Variants in LATS1 observed in about 807,000 individuals in gnomAD.
The protein encoded by LATS1 is serine/threonine-protein kinase LATS1.
LATS1 carries 25 observed loss-of-function variants against 106.6 expected under a neutral mutation model. The observed-to-expected ratio is 0.23, with a 90% CI of 0.17 to 0.33. The LOEUF (loss-of-function observed/expected upper bound fraction) is 0.33. Ranked by LOEUF, LATS1 falls within the 10% of genes least tolerant of loss-of-function variation. The pLI is 1.00. For synonymous variants in LATS1, 465 were observed against 455.6 expected (o/e 1.02, Z -0.26); for missense variants, 1,040 against 1,382.6 (o/e 0.75, Z 3.93).
intron 1 of LATS1, among the ~76,000 whole-genome samples, chr6:149,714,293 G>C (rs1416375077): frequency 6.6e-6 from 1 of 151,972 alleles, no homozygotes; most frequent in East Asian, 1.9e-4. Flanking sequence ...TGTAAATACA[G>C]ATGGAGATCT....
intron 7 of LATS1, among the ~76,000 whole-genome samples, chr6:149,665,886 A>G (rs1029947796): frequency 6.6e-6 from 1 of 152,114 alleles, no homozygotes; most frequent in East Asian, 1.9e-4. Flanking sequence ...CTCACGCTGT[A>G]ATCCCAGCAC....
At chr6:149,696,060 C>T (rs1783044561) in intron 2 of LATS1, among the ~76,000 whole-genome samples, 1 of 151,636 alleles carries the variant, frequency 6.6e-6, no homozygotes, top group Non-Finnish European at 1.5e-5. Flanking sequence ...CACGCTCTAC[C>T]AGGCCTGGCT....
At chr6:149,710,978 A>T (rs1784053739) in intron 1 of LATS1, among the ~76,000 whole-genome samples, 1 of 152,214 alleles carries the variant, frequency 6.6e-6, no homozygotes, top group Non-Finnish European at 1.5e-5. Flanking sequence ...TAGAGGCAGG[A>T]TTAAAAGACT....
At chr6:149,686,559 T>C (rs1467230571) in intron 3 of LATS1, among the ~76,000 whole-genome samples, 3 of 152,226 alleles carry the variant, frequency 2.0e-5, no homozygotes, top group African/African-American at 4.8e-5. Context: ...GCCACCTCCT[T>C]GAAGCTGGTT....
At chr6:149,674,903 C>T (rs533339880) in intron 7 of LATS1, among the ~76,000 whole-genome samples, 3 of 150,896 alleles carry the variant, frequency 2.0e-5, no homozygotes, top group African/African-American at 7.3e-5. Context: ...GACCTTATCT[C>T]AAAATAAATA....
chr6:149,673,583 C>T (rs1185952255), intron 7 of LATS1, among the ~76,000 whole-genome samples: 2 of 151,860 alleles, frequency 1.3e-5, no homozygotes, highest in African/African-American at 2.4e-5. Context: ...TTCAGACATA[C>T]CTGAGACAAA....
At chr6:149,711,985 A>G (rs1784130474) in intron 1 of LATS1, among the ~76,000 whole-genome samples, 1 of 152,082 alleles carries the variant, frequency 6.6e-6, no homozygotes, top group Admixed American at 6.6e-5. Context: ...AGAGAGAGAG[A>G]GTGCGCACAC....
rs1479515273 is a variant in LATS1 at position 149,659,792 on chromosome 6, A to G, written c.*1937T>C. 1.8e-5 allele frequency: 4 copies of G among 225,844 alleles called. No individual in the cohort carries two copies. The highest frequency in any genetic ancestry group is 3.5e-5 in the Non-Finnish European group (4 of 113,594). The allele number at this position is 225,844 out of a possible 1,614,324, so 14.0% of individuals were successfully genotyped here. A position where few individuals can be genotyped will look rare whatever the true frequency, so the allele number is the denominator to read the frequency against. ...ATGTTCCATGAACCATGAGGTGAAGACTGCGATTTCATGATAGCACATTGT... is the reference window on the plus strand; with the variant it reads ...ATGTTCCATGAACCATGAGGTGAAGGCTGCGATTTCATGATAGCACATTGT... On this transcript the variant is annotated 3_prime_UTR_variant, in exon 8 of 8. Transcript: ENST00000543571.
rs531238825 is a variant in LATS1 at position 149,662,788 on chromosome 6, A to AC, written c.2884-551dup. Among the ~76,000 whole-genome samples the AC allele has an allele frequency of 5.3e-5, 8 of 151,688 alleles. No homozygotes were observed. In the East Asian group the frequency reaches 1.6e-3, roughly 29 times the overall value. On this transcript the variant is annotated intron_variant, in intron 7 of 7. Coordinates refer to ENST00000543571, the MANE Select transcript of LATS1 (RefSeq NM_004690.4). ...AGACAAACCTGGGCAACAAAGCGAGACCCCCTCTCTACAAAAAAACTTTAA... is the reference window on the plus strand; with the variant it reads ...AGACAAACCTGGGCAACAAAGCGAGACCCCCCTCTCTACAAAAAAACTTTAA...
chr6:149,659,377 G>A lies in LATS1; in HGVS notation c.*2352C>T, dbSNP rs142827467. 1.4e-4 allele frequency: 28 copies of A among 203,140 alleles called. No individual in the cohort carries two copies. Among genetic ancestry groups the A allele is most frequent in the African/African-American group, 5.5e-4 (24 of 43,806 alleles). 12.6% of individuals were successfully genotyped at this position (203,140 alleles called of 1,614,324 possible). A position where few individuals can be genotyped will look rare whatever the true frequency, so the allele number is the denominator to read the frequency against. ...TGGGAGGCTGAGGCGGGAGGACTGC[G>A]TGAGCCCCCAAGGTTGAGGATGCAG... On this transcript the variant is annotated 3_prime_UTR_variant, in exon 8 of 8. Transcript: ENST00000543571.
chr6:149,667,527 A>AAAAACTT (rs1276207549), intron 7 of LATS1, among the ~76,000 whole-genome samples: 3 of 152,174 alleles, frequency 2.0e-5, no homozygotes, highest in African/African-American at 7.2e-5. Flanking sequence ...CAGAAAAAAC[A>AAAAACTT]AAAACTTAAA....
chr6:149,659,061 G>A lies in LATS1; in HGVS notation c.*2668C>T, dbSNP rs1780796640. 1.3e-5 allele frequency: 2 copies of A among 153,690 alleles called. No homozygotes were observed. Among genetic ancestry groups the A allele is most frequent in the East Asian group, 3.7e-4 (2 of 5,452 alleles). 9.5% of individuals were successfully genotyped at this position (153,690 alleles called of 1,614,324 possible). A position where few individuals can be genotyped will look rare whatever the true frequency, so the allele number is the denominator to read the frequency against. The stretch of plus-strand genomic sequence containing the variant: ...ACTGGAAGAAGTAGATGTAGTTTTG[G>A]AATAAGATAGCTGATAAGTATATCC... On this transcript the variant is annotated 3_prime_UTR_variant, in exon 8 of 8. Transcript: ENST00000543571.
At position 149,683,805 on chromosome 6, in the gene LATS1, T is replaced by C. The variant is rs757301017; in HGVS notation, c.1284A>G (p.Gly428=). 12 of 1,613,942 alleles carry C rather than the reference T, an allele frequency of 7.4e-6. No homozygotes were observed. ...NMELYNISVP[G]LQTNWPQSSS... is the part of the protein sequence containing the mutation. ...ATGACTGAGGCCAATTTGTTTGCAG[T>C]CCAGGTACACTAATGTTATATAGTT... is the stretch of plus-strand genomic sequence containing the variant. The change falls in exon 4 of 8, where the codon GGA becomes GGG. Residue 428 remains glycine, a synonymous_variant. Coordinates refer to ENST00000543571, the MANE Select transcript of LATS1 (RefSeq NM_004690.4).
chr6:149,711,866 A>AGGGGC (rs760295553), intron 1 of LATS1, among the ~76,000 whole-genome samples: 12 of 152,280 alleles, frequency 7.9e-5, no homozygotes, highest in Admixed American at 3.9e-4. Context: ...ATCTCCCATT[A>AGGGGC]TTCTCTTTTT....
At chr6:149,679,803 T>G in intron 5 of LATS1, 72 bp downstream of exon 5, 1 of 1,121,508 alleles carries the variant, frequency 8.9e-7, no homozygotes, top group Non-Finnish European at 1.3e-6. Context: ...GATGATACCA[T>G]CTTATATTTT....
chr6:149,688,701 A>T (rs577808991), intron 3 of LATS1, among the ~76,000 whole-genome samples: 1 of 152,352 alleles, frequency 6.6e-6, no homozygotes, highest in East Asian at 1.9e-4. Flanking sequence ...TCCGTGGCCC[A>T]TGAACCTACA....
chr6:149,683,371 T>C lies in LATS1; in HGVS notation c.1718A>G (p.Tyr573Cys). The C allele has an allele frequency of 1.2e-6, 2 of 1,614,164 alleles. No homozygotes were observed. The highest frequency in any genetic ancestry group is 1.1e-5 in the South Asian group (1 of 91,084). ...LLHQNPSVPP[Y>C]ESISKPSKED... ...TTTGCTAGGCTTACTGATTGACTCGTATGGAGGAACAGATGGGTTTTGGTG... is the reference window on the plus strand; with the variant it reads ...TTTGCTAGGCTTACTGATTGACTCGCATGGAGGAACAGATGGGTTTTGGTG... The change falls in exon 4 of 8, where the codon TAC becomes TGC. Residue 573 changes from tyrosine (Y) to cysteine (C), a missense_variant. Transcript: ENST00000543571.
At chr6:149,710,080 A>C (rs1284167201) in intron 1 of LATS1, among the ~76,000 whole-genome samples, 2 of 152,172 alleles carry the variant, frequency 1.3e-5, no homozygotes, top group African/African-American at 2.4e-5. Context: ...GAATCTACCT[A>C]TGACCTGGAA....
chr6:149,683,589 A>G lies in LATS1; in HGVS notation c.1500T>C (p.Ser500=), dbSNP rs966902761. The change falls in exon 4 of 8, where the codon AGT becomes AGC. Residue 500 remains serine, a synonymous_variant. Transcript: ENST00000543571. ...GTAGCTCTGGTTTTAATACACGCAT[A>G]CTTTTCACAGGCTGTTGAATAGGAG... is the stretch of plus-strand genomic sequence containing the variant. ...TPAPIQQPVK[S]MRVLKPELQT... 3.1e-6 allele frequency: 5 copies of G among 1,614,118 alleles called. No individual in the cohort carries two copies. The highest frequency in any genetic ancestry group is 3.4e-6 in the Non-Finnish European group (4 of 1,180,048).
Sources: allele counts gnomAD v4.1 joint callset (sites outside exome capture counted in the v4.1 genomes callset), GRCh38; gene constraint gnomAD v4.1.1; transcripts MANE v1.5; gene names NCBI Gene and HGNC (gene_info 2026-07-23, HGNC 2026-07-21).